The following RASSF5 variants were observed in gnomAD, a reference collection of about 807,000 sequenced individuals.
The protein encoded by RASSF5 is ras association domain-containing protein 5.
In RASSF5, 25 loss-of-function variants were observed where a neutral mutation model predicts 40.5. That is an observed-to-expected ratio of 0.62 (90% CI 0.45 to 0.86). The LOEUF is 0.86. Ranked by LOEUF, RASSF5 falls within the 40% of genes least tolerant of loss-of-function variation. The pLI, the probability that RASSF5 is intolerant of heterozygous loss-of-function variation, is 0.00. For synonymous variants in RASSF5, 246 were observed against 252.4 expected, an observed-to-expected ratio of 0.97 and a Z score of 0.24; for missense variants, 521 against 572.8, an observed-to-expected ratio of 0.91 and a Z score of 0.92.
At chr1:206,578,260 G>A (rs530337575) in intron 2 of RASSF5, among the ~76,000 whole-genome samples, 1 of 151,056 alleles carries the variant, frequency 6.6e-6, no homozygotes, top group African/African-American at 2.4e-5. Flanking sequence ...GTGTGTGTGT[G>A]TGTAAGTAGA....
At chr1:206,570,214 C>T (rs1668405831) in intron 2 of RASSF5, among the ~76,000 whole-genome samples, 1 of 151,670 alleles carries the variant, frequency 6.6e-6, no homozygotes, top group East Asian at 1.9e-4. Flanking sequence ...GCCTCAGCCT[C>T]CCGAGTAGCT....
At chr1:206,550,945 C>T (rs550491620) in intron 2 of RASSF5, among the ~76,000 whole-genome samples, 82 of 152,302 alleles carry the variant, frequency 5.4e-4, no homozygotes, top group African/African-American at 1.7e-3. Flanking sequence ...CCCCTTTCTG[C>T]CATCTTGGAG....
At chr1:206,519,426 A>G (rs782783421) in intron 1 of RASSF5, among the ~76,000 whole-genome samples, 1 of 152,166 alleles carries the variant, frequency 6.6e-6, no homozygotes. Context: ...TGCTTTTAAT[A>G]TCATTTATTC....
chr1:206,570,871 C>T lies in RASSF5; in HGVS notation c.580-12398C>T, dbSNP rs543168319. 3.9e-5 allele frequency among the ~76,000 whole-genome samples: 6 copies of T among 152,220 alleles called. No individual in the cohort carries two copies. In the East Asian group the frequency reaches 5.8e-4, roughly 15 times the overall value. On this transcript the variant is annotated intron_variant, in intron 2 of 5. Coordinates refer to ENST00000579436, the MANE Select transcript of RASSF5 (RefSeq NM_182663.4). ...TCCACCTTTTTTGGCTACTGTGAAT[C>T]GTGCCGCTGCAAACCTGGGTGTTCA...
intron 2 of RASSF5, chr1:206,557,701 TA>T: frequency 6.2e-7 from 1 of 1,613,888 alleles, no homozygotes; most frequent in Non-Finnish European, 8.5e-7. Flanking sequence ...AAGGTAAACA[TA>T]ATAATGGAAT....
At position 206,548,707 on chromosome 1, in the gene RASSF5, A is replaced by AAAACTAT. The variant is rs1558508646; in HGVS notation, c.579+10417_579+10418insCTATAAA. ...GATCTGTGGATTTATAGTTTTCACGAAAATTGGAAAAATTGGGGGCATTAT... is the reference window on the plus strand; with the variant it reads ...GATCTGTGGATTTATAGTTTTCACGAAAACTATAAATTGGAAAAATTGGGGGCATTAT... On this transcript the variant is annotated intron_variant, in intron 2 of 5. Transcript: ENST00000579436. 3.3e-5 allele frequency among the ~76,000 whole-genome samples: 5 copies of AAAACTAT among 152,224 alleles called. No homozygotes were observed. In the East Asian group the frequency reaches 9.6e-4, roughly 29 times the overall value.
chr1:206,586,616 T>A (rs1669123827), intron 5 of RASSF5: 2 of 546,426 alleles, frequency 3.7e-6, no homozygotes, highest in Non-Finnish European at 6.5e-6. Context: ...CAACTCTTGG[T>A]CATGAGATGC....
intron 1 of RASSF5, among the ~76,000 whole-genome samples, chr1:206,510,229 G>A (rs945551985): frequency 5.3e-5 from 8 of 152,158 alleles, no homozygotes; most frequent in African/African-American, 1.9e-4. Flanking sequence ...TCTTCATTTT[G>A]AAAAGCAAGT....
chr1:206,566,662 A>C (rs1379705560), intron 2 of RASSF5, among the ~76,000 whole-genome samples: 4 of 152,150 alleles, frequency 2.6e-5, no homozygotes, highest in Non-Finnish European at 2.9e-5. Flanking sequence ...GGCACCTATA[A>C]TGTCGATGCT....
Position 206,584,713 on chromosome 1 carries a change from C to T in RASSF5, c.988+29C>T, listed in dbSNP as rs1324671745. 3.7e-6 allele frequency: 6 copies of T among 1,612,360 alleles called. No individual in the cohort carries two copies. Among genetic ancestry groups the T allele is most frequent in the South Asian group, 2.2e-5 (2 of 90,970 alleles). ...GGAGAAAGAGTGAACCCAACCAGAC[C>T]GTTCCCTTCCTACCTGTGTCCAAGC... On this transcript the variant is annotated intron_variant, in intron 4 of 5. Transcript: ENST00000579436. This position sits in a 1 kb window ranked among gnomAD's most constrained non-coding sequence, Gnocchi z 4.9.
rs76352517 is a variant in RASSF5 at position 206,521,346 on chromosome 1, T to C, written c.457+13287T>C. On this transcript the variant is annotated intron_variant, in intron 1 of 5. Transcript: ENST00000579436. Reference sequence around the variant, plus strand: ...AAGCCTGCTTTCGCCCGGTTGATGATTGGCACTTTGAATAGCTGCAAGTGA... The same window carrying C: ...AAGCCTGCTTTCGCCCGGTTGATGACTGGCACTTTGAATAGCTGCAAGTGA... 1.9e-3 allele frequency among the ~76,000 whole-genome samples: 291 copies of C among 152,308 alleles called. 1 individual carries two copies. The highest frequency in any genetic ancestry group is 6.8e-3 in the African/African-American group (284 of 41,568).
intron 2 of RASSF5, chr1:206,542,152 C>A (rs1667560367): frequency 6.6e-6 from 1 of 152,332 alleles, no homozygotes; most frequent in Non-Finnish European, 1.5e-5. Context: ...TTCCTCCTGA[C>A]CCTCTAGAGT....
Position 206,508,071 on chromosome 1 carries a change from G to A in RASSF5, c.457+12G>A. 1 of 1,371,892 alleles carries A rather than the reference G, an allele frequency of 7.3e-7. No homozygotes were observed. The allele number at this position is 1,371,892 out of a possible 1,614,324, so 85.0% of individuals were successfully genotyped here. ...GCTGCGCTGCACTAGTAAGTGTGAA[G>A]GCAGGGGAGGGGCGTGCGGGGAGAC... On this transcript the variant is annotated intron_variant, in intron 1 of 5. Transcript: ENST00000579436.
chr1:206,553,000 G>A lies in RASSF5; in HGVS notation c.579+14707G>A, dbSNP rs566815645. On this transcript the variant is annotated intron_variant, in intron 2 of 5. Transcript: ENST00000579436. The surrounding 1 kb of genome is among the most constrained non-coding windows in gnomAD (Gnocchi z 4.1). ...AGGCAGATCACGAGGTCAGGAGATC[G>A]AGACCATCCTGGATAACACAGTGAA... Among the ~76,000 whole-genome samples, 11 of 152,180 alleles carry A rather than the reference G, an allele frequency of 7.2e-5. No individual in the cohort carries two copies. The highest frequency in any genetic ancestry group is 2.0e-4 in the Admixed American group (3 of 15,284).
chr1:206,529,170 C>T (rs1365299223), intron 1 of RASSF5: 40 of 1,496,172 alleles, frequency 2.7e-5, no homozygotes, highest in South Asian at 6.4e-5. Flanking sequence ...GGCCCTGGAC[C>T]GCCAAACAGC....
At chr1:206,572,486 G>C (rs1381771412) in intron 2 of RASSF5, 1 of 152,142 alleles carries the variant, frequency 6.6e-6, no homozygotes, top group African/African-American at 2.4e-5. Flanking sequence ...CTGGGGCTAG[G>C]GTAACCAAAT....
rs1371891397 is a variant in RASSF5 at position 206,535,646 on chromosome 1, A to G, written c.458-2526A>G. On this transcript the variant is annotated intron_variant, in intron 1 of 5. Coordinates refer to ENST00000579436, the MANE Select transcript of RASSF5 (RefSeq NM_182663.4). This position sits in a 1 kb window ranked among gnomAD's most constrained non-coding sequence, Gnocchi z 5.0. ...AGAACACTTCTCAGAGTCTTCTGCT[A>G]CTTAGTGTTGTCCAGCTCAGCATGG... Among the ~76,000 whole-genome samples the G allele has an allele frequency of 1.3e-5, 2 of 151,708 alleles. No homozygotes were observed. The highest frequency in any genetic ancestry group is 4.8e-5 in the African/African-American group (2 of 41,252).
chr1:206,555,935 G>T (rs538430168), intron 2 of RASSF5, among the ~76,000 whole-genome samples: 6 of 152,162 alleles, frequency 3.9e-5, no homozygotes, highest in African/African-American at 1.2e-4. Flanking sequence ...GTGTCCGGGG[G>T]GCTGAGTCTA....
At chr1:206,585,021 A>G (rs1669053333) in intron 4 of RASSF5, 159 bp from the exon 5 acceptor site, 3 of 654,542 alleles carry the variant, frequency 4.6e-6, no homozygotes, top group Non-Finnish European at 8.1e-6. Flanking sequence ...ATAAAAGGTT[A>G]TTGCCCTGTT....
Sources: allele counts gnomAD v4.1 joint callset (sites outside exome capture counted in the v4.1 genomes callset), GRCh38; gene constraint gnomAD v4.1.1; non-coding constraint Gnocchi (gnomAD v3.1); transcripts MANE v1.5; gene names NCBI Gene and HGNC (gene_info 2026-07-23, HGNC 2026-07-21).